IFT80: variants seen among roughly 807,000 people sequenced by gnomAD.
IFT80 encodes the protein intraflagellar transport protein 80 homolog.
A neutral mutation model predicts 107.9 loss-of-function variants in IFT80; 79 were observed. The observed-to-expected ratio is 0.73, with a 90% CI of 0.61 to 0.88. The LOEUF (loss-of-function observed/expected upper bound fraction) is 0.88. IFT80 is among the 40% of genes least tolerant of loss of function. The pLI is 0.00. For synonymous variants in IFT80, 299 were observed against 300.9 expected, an observed-to-expected ratio of 0.99 and a Z score of 0.07; for missense variants, 797 against 914.2, an observed-to-expected ratio of 0.87 and a Z score of 1.65.
intron 9 of IFT80, among the ~76,000 whole-genome samples, chr3:160,313,605 T>G (rs1285739543): frequency 6.6e-6 from 1 of 151,146 alleles, no homozygotes; most frequent in African/African-American, 2.4e-5. Flanking sequence ...TGTTCTGTGC[T>G]GAATTTTTTT....
At position 160,268,422 on chromosome 3, in the gene IFT80, A is replaced by C. The variant is rs1353011335; in HGVS notation, c.2214T>G (p.Tyr738Ter). Residue 738 changes from tyrosine to a stop codon, truncating the protein, a stop_gained, in exon 19 of 20, where the codon TAT becomes TAG. Coordinates refer to ENST00000326448, the MANE Select transcript of IFT80 (RefSeq NM_020800.3). LOFTEE classifies it high-confidence loss of function. ...ATTGTGAAATACTTACACCTTCTGC[A>C]TAATGCAAGTATCGTTTATTAGTTT... ...KQETNKRYLHYAEGLQIDWEK... is the reference protein window; with the variant it reads ...KQETNKRYLH 6.2e-7 allele frequency: 1 copy of C among 1,612,712 alleles called. No homozygotes were observed. Among genetic ancestry groups the C allele is most frequent in the African/African-American group, 1.3e-5 (1 of 75,034 alleles).
At chr3:160,314,538 A>T (rs1717651519) in intron 9 of IFT80, among the ~76,000 whole-genome samples, 1 of 152,210 alleles carries the variant, frequency 6.6e-6, no homozygotes, top group South Asian at 2.1e-4. Context: ...CCAGCAGGTC[A>T]AGGTGTAGAT....
At chr3:160,372,029 C>T (rs553539381) in intron 5 of IFT80, among the ~76,000 whole-genome samples, 2 of 152,212 alleles carry the variant, frequency 1.3e-5, no homozygotes, top group African/African-American at 4.8e-5. Context: ...TCAAATCCCC[C>T]CACCCAAAAC....
rs78107381 is a variant in IFT80 at position 160,283,111 on chromosome 3, T to C, written c.1381-498A>G. ...TGCAAAATAGGAAACAAGCTTGTAA[T>C]GTAGGTATTACTATACTTACTTTGC... On this transcript the variant is annotated intron_variant, in intron 13 of 19. Coordinates refer to ENST00000326448, the MANE Select transcript of IFT80 (RefSeq NM_020800.3). Among the ~76,000 whole-genome samples, 497 of 152,338 alleles carry C rather than the reference T, an allele frequency of 3.3e-3. 1 individual carries two copies. The highest frequency in any genetic ancestry group is 0.011 in the African/African-American group (465 of 41,582).
At chr3:160,298,106 G>A (rs143136285) in intron 12 of IFT80, among the ~76,000 whole-genome samples, 224 of 152,152 alleles carry the variant, frequency 1.5e-3, no homozygotes, top group Non-Finnish European at 2.5e-3. Flanking sequence ...ACCAAAAGGG[G>A]TACTCAAACC....
chr3:160,299,106 T>C (rs1277209592), intron 12 of IFT80: 30 of 990,934 alleles, frequency 3.0e-5, no homozygotes, highest in Admixed American at 5.9e-5. Context: ...CTTAAGTTTA[T>C]TGAAAACAAA....
Position 160,301,028 on chromosome 3 carries a change from A to T in IFT80, c.1170T>A (p.Asp390Glu). ...ATGAATATAAATAGATACTACTACC[A>T]TCTACAAGAAGAAAATGTCTAAAAA... ...LQAERHFLLV[D>E]GSSIYLYSYE... is the part of the protein sequence containing the mutation. Residue 390 changes from aspartate to glutamate, a missense_variant, in exon 12 of 20, where the codon GAT becomes GAA. Physicochemically the swap from Asp to Glu is conservative, Grantham distance 45. Coordinates refer to ENST00000326448, the MANE Select transcript of IFT80 (RefSeq NM_020800.3). The T allele has an allele frequency of 6.3e-7, 1 of 1,579,480 alleles. No individual in the cohort carries two copies. Among genetic ancestry groups the T allele is most frequent in the Non-Finnish European group, 8.7e-7 (1 of 1,154,674 alleles).
At chr3:160,276,665 G>A (rs1714289146) in intron 18 of IFT80, among the ~76,000 whole-genome samples, 1 of 152,200 alleles carries the variant, frequency 6.6e-6, no homozygotes, top group African/African-American at 2.4e-5. Flanking sequence ...ATCTGTCCGA[G>A]AGCCTAATGT....
intron 4 of IFT80, among the ~76,000 whole-genome samples, chr3:160,376,813 G>T (rs762984071): frequency 2.0e-5 from 3 of 152,302 alleles, no homozygotes; most frequent in Admixed American, 2.0e-4. Flanking sequence ...TCCTGTCAAA[G>T]CCAGAGAACT....
intron 19 of IFT80, 133 bp downstream of exon 19, chr3:160,268,280 T>A (rs1347870099): frequency 1.3e-6 from 1 of 784,200 alleles, no homozygotes; most frequent in Non-Finnish European, 2.0e-6. Flanking sequence ...TAAGATGTCA[T>A]AAGGCAAAAA....
chr3:160,324,184 G>T (rs1172667993), intron 8 of IFT80, among the ~76,000 whole-genome samples: 1 of 152,052 alleles, frequency 6.6e-6, no homozygotes, highest in African/African-American at 2.4e-5. Context: ...ATTCACAGCC[G>T]AATTCTACCA....
chr3:160,383,626 A>G, intron 2 of IFT80: 1 of 971,952 alleles, frequency 1.0e-6, no homozygotes, highest in Non-Finnish European at 1.2e-6. Flanking sequence ...CTTACTTTCA[A>G]TTTATTTACC....
intron 12 of IFT80, among the ~76,000 whole-genome samples, chr3:160,289,387 A>G (rs1234134817): frequency 6.6e-6 from 1 of 152,200 alleles, no homozygotes; most frequent in Non-Finnish European, 1.5e-5. Context: ...AATAATCTGT[A>G]CAACAAACCC....
chr3:160,358,093 G>A (rs944024417), intron 6 of IFT80, among the ~76,000 whole-genome samples: 2 of 151,726 alleles, frequency 1.3e-5, no homozygotes, highest in Non-Finnish European at 2.9e-5. Context: ...CTGCAGTCTC[G>A]ACCTCCCACA....
At chr3:160,264,130 G>C (rs1169915177) in intron 19 of IFT80, among the ~76,000 whole-genome samples, 1 of 150,714 alleles carries the variant, frequency 6.6e-6, no homozygotes, top group African/African-American at 2.4e-5. Flanking sequence ...TTTTTTGGGA[G>C]ATGGAGTCTT....
Position 160,301,021 on chromosome 3 carries a change from TACTACCA to T in IFT80, c.1170_1176del (p.Asp390GlufsTer21). ...CCTTCATATGAATATAAATAGATACTACTACCATCTACAAGAAGAAAATGTCTAAAAA... is the reference window on the plus strand; with the variant it reads ...CCTTCATATGAATATAAATAGATACTTCTACAAGAAGAAAATGTCTAAAAA... On this transcript the variant is annotated frameshift_variant, in exon 12 of 20. Transcript: ENST00000326448. LOFTEE classifies it high-confidence loss of function. The T allele has an allele frequency of 6.3e-7, 1 of 1,584,258 alleles. No individual in the cohort carries two copies. The highest frequency in any genetic ancestry group is 8.6e-7 in the Non-Finnish European group (1 of 1,158,358).
At chr3:160,348,971 T>C (rs1720479961) in intron 8 of IFT80, among the ~76,000 whole-genome samples, 1 of 152,172 alleles carries the variant, frequency 6.6e-6, no homozygotes, top group South Asian at 2.1e-4. Context: ...CAATTCCTTT[T>C]AGAGGAGAGG....
intron 5 of IFT80, among the ~76,000 whole-genome samples, chr3:160,369,005 C>T (rs75130008): frequency 0.043 from 6,572 of 151,950 alleles, 451 homozygotes; most frequent in African/African-American, 0.14. Flanking sequence ...ACTAAGGACT[C>T]TTTAGTCCTC....
intron 5 of IFT80, among the ~76,000 whole-genome samples, chr3:160,370,768 A>G (rs1576883923): frequency 6.6e-6 from 1 of 152,248 alleles, no homozygotes; most frequent in South Asian, 2.1e-4. Context: ...CCCTCCACAT[A>G]TATTTCCTAA....
Sources: gnomAD v4.1 joint callset for allele counts (sites outside exome capture counted in the v4.1 genomes callset) on GRCh38, gnomAD v4.1.1 for gene constraint, MANE v1.5 for transcripts, NCBI Gene and HGNC (gene_info 2026-07-23, HGNC 2026-07-21) for gene names.